Variants in SUGCT observed in about 807,000 individuals in gnomAD.
SUGCT encodes succinyl-CoA:glutarate-CoA transferase.
A neutral mutation model predicts 55.0 loss-of-function variants in SUGCT; 41 were observed. The ratio of observed to expected loss-of-function variants is 0.74; its 90% CI spans 0.58 to 0.97. SUGCT has a LOEUF of 0.97. Ranked by LOEUF, SUGCT falls within the 50% of genes least tolerant of loss-of-function variation. The pLI is 0.00. For missense variants in SUGCT, 568 were observed against 547.8 expected, an observed-to-expected ratio of 1.04 and a Z score of -0.37; for synonymous variants, 187 against 200.4, an observed-to-expected ratio of 0.93 and a Z score of 0.56.
At chr7:40,680,802 C>A (rs1363210210) in intron 12 of SUGCT, among the ~76,000 whole-genome samples, 2 of 152,142 alleles carry the variant, frequency 1.3e-5, no homozygotes, top group Admixed American at 1.3e-4. Context: ...TAGTCATGAT[C>A]ATTCTACCTG....
At chr7:40,522,123 T>C (rs1009410263) in intron 12 of SUGCT, among the ~76,000 whole-genome samples, 2 of 152,128 alleles carry the variant, frequency 1.3e-5, no homozygotes, top group African/African-American at 4.8e-5. Context: ...CTGCTTTCTG[T>C]TCATGGACTT....
At chr7:40,279,628 A>G (rs1394293747) in intron 8 of SUGCT, among the ~76,000 whole-genome samples, 1 of 150,692 alleles carries the variant, frequency 6.6e-6, no homozygotes, top group Non-Finnish European at 1.5e-5. Flanking sequence ...GTTAGATTAA[A>G]AAGTTGGCTA....
intron 7 of SUGCT, among the ~76,000 whole-genome samples, chr7:40,256,967 C>A (rs1389647444): frequency 6.6e-6 from 1 of 152,120 alleles, no homozygotes; most frequent in Non-Finnish European, 1.5e-5. Flanking sequence ...TGGTCTCAAA[C>A]TCCTGACCTC....
At chr7:40,404,221 A>G (rs1373693193) in intron 9 of SUGCT, among the ~76,000 whole-genome samples, 2 of 152,162 alleles carry the variant, frequency 1.3e-5, no homozygotes, top group Non-Finnish European at 2.9e-5. Context: ...GCTGGGCTTC[A>G]GTTTCCTCAT....
chr7:40,275,251 C>T (rs774486464), intron 8 of SUGCT, among the ~76,000 whole-genome samples: 39 of 152,148 alleles, frequency 2.6e-4, no homozygotes, highest in Admixed American at 3.9e-4. Flanking sequence ...TTCACATGTA[C>T]TCTGTAACTT....
chr7:40,571,530 T>A (rs975090782), intron 12 of SUGCT, among the ~76,000 whole-genome samples: 1 of 152,240 alleles, frequency 6.6e-6, no homozygotes, highest in Non-Finnish European at 1.5e-5. Context: ...CAATTGTTCA[T>A]GCACACACAA....
the SUGCT span, among the ~76,000 whole-genome samples, chr7:40,911,792 A>G: frequency 6.6e-6 from 1 of 152,048 alleles, no homozygotes; most frequent in Non-Finnish European, 1.5e-5. Flanking sequence ...GTATAAAGGA[A>G]CCATGAAAAG....
In SUGCT at chr7:40,383,618, T is replaced by C. The variant is rs151134370; in HGVS notation, c.817-65669T>C. ...CATAATCTGAATTTAGAGAGTAACA[T>C]GATAGATGTCAATAGAAAAATATAG... On this transcript the variant is annotated intron_variant, in intron 9 of 13. Transcript: ENST00000335693. 1.8e-4 allele frequency among the ~76,000 whole-genome samples: 28 copies of C among 152,296 alleles called. No homozygotes were observed. The East Asian group carries it at 4.8e-3, about 26-fold the overall frequency.
intron 12 of SUGCT, among the ~76,000 whole-genome samples, chr7:40,500,845 CCTTT>C (rs1241942079): frequency 2.6e-5 from 4 of 151,716 alleles, no homozygotes; most frequent in African/African-American, 9.7e-5. Context: ...TTTTTCAAGA[CCTTT>C]CTATCACACA....
At chr7:40,900,079 A>G in the SUGCT span, among the ~76,000 whole-genome samples, 1 of 152,200 alleles carries the variant, frequency 6.6e-6, no homozygotes, top group African/African-American at 2.4e-5. Context: ...AGGCCTTCTC[A>G]GCGAAGCATT....
At chr7:40,165,745 C>A (rs977168472) in intron 1 of SUGCT, among the ~76,000 whole-genome samples, 5 of 151,874 alleles carry the variant, frequency 3.3e-5, no homozygotes, top group Admixed American at 2.0e-4. Context: ...TTTATCTTTT[C>A]TTGTTTTCAA....
chr7:40,226,162 T>C (rs1332107420), intron 6 of SUGCT, among the ~76,000 whole-genome samples: 1 of 152,144 alleles, frequency 6.6e-6, no homozygotes, highest in Non-Finnish European at 1.5e-5. Context: ...GAGGTTGGTT[T>C]TGGAATCTTG....
intron 12 of SUGCT, among the ~76,000 whole-genome samples, chr7:40,611,060 C>G (rs1798745643): frequency 6.6e-6 from 1 of 152,128 alleles, no homozygotes; most frequent in Non-Finnish European, 1.5e-5. Context: ...GACTCCAGGC[C>G]TTGTCTGCCC....
chr7:40,612,026 A>G (rs1200012405), intron 12 of SUGCT, among the ~76,000 whole-genome samples: 2 of 150,718 alleles, frequency 1.3e-5, no homozygotes, highest in African/African-American at 4.9e-5. Context: ...TTTTTTTTAC[A>G]ACAGATCACT....
chr7:40,536,665 C>G (rs1173482320), intron 12 of SUGCT, among the ~76,000 whole-genome samples: 7 of 152,132 alleles, frequency 4.6e-5, no homozygotes, highest in African/African-American at 1.7e-4. Flanking sequence ...TCTGGAAATA[C>G]AGAGATGAAA....
the SUGCT span, among the ~76,000 whole-genome samples, chr7:40,974,224 G>A: frequency 6.6e-6 from 1 of 151,948 alleles, no homozygotes; most frequent in African/African-American, 2.4e-5. Context: ...CATCTGCCCT[G>A]CTACCAAAGC....
intron 12 of SUGCT, among the ~76,000 whole-genome samples, chr7:40,531,892 T>A (rs1794115629): frequency 6.6e-6 from 1 of 152,174 alleles, no homozygotes; most frequent in Admixed American, 6.5e-5. Context: ...GCCAGGATGA[T>A]CTCGATCTCC....
At chr7:40,855,685 A>C (rs1327999792) in intron 13 of SUGCT, among the ~76,000 whole-genome samples, 2 of 152,126 alleles carry the variant, frequency 1.3e-5, no homozygotes, top group African/African-American at 4.8e-5. Context: ...GATGTTTTCC[A>C]CTTTTACTGG....
At chr7:40,240,274 G>T (rs1424937100) in intron 7 of SUGCT, among the ~76,000 whole-genome samples, 1 of 151,890 alleles carries the variant, frequency 6.6e-6, no homozygotes, top group African/African-American at 2.4e-5. Flanking sequence ...ACCTGAGTTC[G>T]GGAGTTCGAG....
Sources: allele counts gnomAD v4.1 joint callset (sites outside exome capture counted in the v4.1 genomes callset), GRCh38; gene constraint gnomAD v4.1.1; transcripts MANE v1.5; gene names NCBI Gene and HGNC (gene_info 2026-07-23, HGNC 2026-07-21).